SEMA3A: variants seen among roughly 807,000 people sequenced by gnomAD.
The protein encoded by SEMA3A is semaphorin 3A, also known as semaphorin-3A.
Under a neutral mutation model 97.9 loss-of-function variants are expected in SEMA3A, and 29 were observed. The ratio of observed to expected loss-of-function variants is 0.30; its 90% CI spans 0.22 to 0.40. The LOEUF is 0.40. Ranked by LOEUF, SEMA3A falls within the 10% of genes least tolerant of loss-of-function variation. SEMA3A has a pLI of 1.00. For missense variants in SEMA3A, 763 were observed against 951.3 expected, an observed-to-expected ratio of 0.80 and a Z score of 2.60; for synonymous variants, 321 against 323.7, an observed-to-expected ratio of 0.99 and a Z score of 0.09.
At chr7:84,138,250 G>A (rs1796203991) in intron 1 of SEMA3A, among the ~76,000 whole-genome samples, 3 of 151,776 alleles carry the variant, frequency 2.0e-5, no homozygotes, top group African/African-American at 7.3e-5. Flanking sequence ...ATCTTACTAA[G>A]TGTCCTAACT....
chr7:84,374,024 G>C (rs1462350841), intron 1 of SEMA3A, among the ~76,000 whole-genome samples: 1 of 152,158 alleles, frequency 6.6e-6, no homozygotes, highest in Admixed American at 6.6e-5. Context: ...CATTGAAAAA[G>C]CATGGTCAAC....
At chr7:83,986,746 G>A (rs1286348920) in intron 12 of SEMA3A, among the ~76,000 whole-genome samples, 1 of 152,130 alleles carries the variant, frequency 6.6e-6, no homozygotes, top group Non-Finnish European at 1.5e-5. Flanking sequence ...GAGCCCAGGT[G>A]CCTGGATTCA....
At chr7:84,104,589 G>A (rs190955200) in intron 4 of SEMA3A, among the ~76,000 whole-genome samples, 12 of 152,106 alleles carry the variant, frequency 7.9e-5, no homozygotes, top group East Asian at 7.7e-4. Flanking sequence ...TTTAATTAAG[G>A]GTGTGAAGGA....
At chr7:84,301,348 G>A (rs1265721389) in intron 3 of SEMA3A, among the ~76,000 whole-genome samples, 1 of 151,916 alleles carries the variant, frequency 6.6e-6, no homozygotes, top group African/African-American at 2.4e-5. Context: ...ATATATCAAA[G>A]AATTTGTCTT....
chr7:84,288,594 A>C (rs573803323), intron 3 of SEMA3A, among the ~76,000 whole-genome samples: 1 of 152,262 alleles, frequency 6.6e-6, no homozygotes, highest in East Asian at 1.9e-4. Flanking sequence ...GCTACTAGGG[A>C]GGCTGAGGAA....
At chr7:84,432,462 G>A (rs1413330809) in intron 1 of SEMA3A, among the ~76,000 whole-genome samples, 3 of 151,990 alleles carry the variant, frequency 2.0e-5, no homozygotes, top group Non-Finnish European at 4.4e-5. Flanking sequence ...AAGATGCTGA[G>A]GTTTGAAATA....
intron 14 of SEMA3A, 34 bp from the exon 15 acceptor site, chr7:83,977,230 T>G: frequency 8.0e-7 from 1 of 1,255,394 alleles, no homozygotes; most frequent in Non-Finnish European, 1.1e-6. Flanking sequence ...TGTTATTGTA[T>G]CCTTATTTTT....
intron 1 of SEMA3A, among the ~76,000 whole-genome samples, chr7:84,409,340 A>G (rs1804198022): frequency 6.6e-6 from 1 of 151,802 alleles, no homozygotes; most frequent in African/African-American, 2.4e-5. Flanking sequence ...ATTTTTTAAA[A>G]TAAAAAAATT....
At chr7:84,342,590 C>T (rs1554367187) in intron 2 of SEMA3A, among the ~76,000 whole-genome samples, 2 of 152,132 alleles carry the variant, frequency 1.3e-5, no homozygotes, top group South Asian at 2.1e-4. Context: ...CGTGTGCACA[C>T]GTGTGTTTGT....
At chr7:84,196,454 A>G (rs1798234845), upstream of SEMA3A, among the ~76,000 whole-genome samples, 1 of 152,078 alleles carries the variant, frequency 6.6e-6, no homozygotes, top group African/African-American at 2.4e-5. Context: ...AGGAGGATTT[A>G]AAGAGGGGGA....
intron 3 of SEMA3A, among the ~76,000 whole-genome samples, chr7:84,216,977 C>T (rs933349926): frequency 5.9e-5 from 9 of 152,146 alleles, no homozygotes; most frequent in Non-Finnish European, 8.8e-5. Flanking sequence ...ATTTGAATAG[C>T]AGCGGATATG....
intron 4 of SEMA3A, among the ~76,000 whole-genome samples, chr7:84,075,667 G>A (rs1209735479): frequency 6.6e-6 from 1 of 152,024 alleles, no homozygotes; most frequent in African/African-American, 2.4e-5. Context: ...ATATTGGCCA[G>A]GCTGATCTCG....
At chr7:84,401,611 C>A (rs1803906782) in intron 1 of SEMA3A, among the ~76,000 whole-genome samples, 1 of 151,948 alleles carries the variant, frequency 6.6e-6, no homozygotes, top group Non-Finnish European at 1.5e-5. Flanking sequence ...TCAGAATATA[C>A]TGCAAAGCTA....
chr7:84,289,694 G>A (rs1800693483), intron 3 of SEMA3A, among the ~76,000 whole-genome samples: 1 of 152,102 alleles, frequency 6.6e-6, no homozygotes, highest in Non-Finnish European at 1.5e-5. Flanking sequence ...GATTTTAGCT[G>A]CTGTGGAAAA....
chr7:84,352,703 T>C (rs1248017523), intron 2 of SEMA3A, among the ~76,000 whole-genome samples: 6 of 151,878 alleles, frequency 4.0e-5, no homozygotes, highest in Non-Finnish European at 5.9e-5. Flanking sequence ...TACTTGATTA[T>C]GTAACATGGA....
intron 5 of SEMA3A, among the ~76,000 whole-genome samples, chr7:84,056,276 G>A (rs377398855): frequency 4.6e-5 from 7 of 152,226 alleles, no homozygotes; most frequent in African/African-American, 1.7e-4. Context: ...TGAGAAGTAC[G>A]TATTAAAAAC....
At chr7:84,087,312 G>T (rs1794412181) in intron 4 of SEMA3A, among the ~76,000 whole-genome samples, 1 of 152,090 alleles carries the variant, frequency 6.6e-6, no homozygotes, top group Non-Finnish European at 1.5e-5. Context: ...AATGCAAAAA[G>T]TCCCATCTGC....
intron 3 of SEMA3A, among the ~76,000 whole-genome samples, chr7:84,230,858 T>C (rs1369622288): frequency 2.6e-5 from 4 of 152,004 alleles, no homozygotes; most frequent in African/African-American, 9.7e-5. Flanking sequence ...GTTTTTTATA[T>C]TTTCATAATC....
chr7:84,425,086 A>T (rs1428193910), intron 1 of SEMA3A, among the ~76,000 whole-genome samples: 2 of 107,460 alleles, frequency 1.9e-5, no homozygotes, highest in African/African-American at 3.8e-5. Flanking sequence ...ATTTATATTT[A>T]TATTTTTATA....
Sources: gnomAD v4.1 joint callset for allele counts (sites outside exome capture counted in the v4.1 genomes callset) on GRCh38, gnomAD v4.1.1 for gene constraint, MANE v1.5 for transcripts, NCBI Gene and HGNC (gene_info 2026-07-23, HGNC 2026-07-21) for gene names.